The following OR2H1 variants were observed in gnomAD, a reference collection of about 807,000 sequenced individuals.
OR2H1 encodes olfactory receptor 2H1.
For synonymous variants in OR2H1, 155 were observed against 155.2 expected (o/e 1.00, Z 0.01); for missense variants, 380 against 367.3 (o/e 1.03, Z -0.28).
At chr6:29,458,896 G>A (rs531970924) in intron 2 of OR2H1, among the ~76,000 whole-genome samples, 1 of 152,310 alleles carries the variant, frequency 6.6e-6, no homozygotes, top group East Asian at 1.9e-4. Context: ...GTAGCAGTTA[G>A]TACATGACTG....
At chr6:29,459,841 A>C (rs1276454187) in intron 2 of OR2H1, 2 of 152,268 alleles carry the variant, frequency 1.3e-5, no homozygotes, top group Non-Finnish European at 2.9e-5. Flanking sequence ...TCCGTGGCCC[A>C]CCCACCCAGA....
rs569311039 is a variant in OR2H1 at position 29,462,504 on chromosome 6, G to A, written c.735G>A (p.Val245=). 4.7e-5 allele frequency: 76 copies of A among 1,613,018 alleles called. No homozygotes were observed. The highest frequency in any genetic ancestry group is 6.2e-5 in the Non-Finnish European group (73 of 1,180,014). ...GGACCTGCTCCTCCCATCTCACTGT[G>A]GTCACCCTCTTCTACAGCTCAGTCA... ...AFGTCSSHLT[V]VTLFYSSVIA... is the part of the protein sequence containing the mutation. Residue 245 remains valine, a synonymous_variant, in exon 4 of 4, where the codon GTG becomes GTA. Transcript: ENST00000377133.
intron 1 of OR2H1, among the ~76,000 whole-genome samples, 176 bp downstream of exon 1, chr6:29,457,383 A>G (rs1490986761): frequency 6.6e-6 from 1 of 152,246 alleles, no homozygotes; most frequent in East Asian, 1.9e-4. Flanking sequence ...GACTATTGAT[A>G]CACAAAACAA....
intron 2 of OR2H1, among the ~76,000 whole-genome samples, chr6:29,458,962 G>C (rs527640083): frequency 1.3e-5 from 2 of 152,322 alleles, no homozygotes; most frequent in Non-Finnish European, 2.9e-5. Context: ...GAGTTAATGG[G>C]ATGTAGGGAA....
At chr6:29,458,852 T>C (rs145004146) in intron 2 of OR2H1, among the ~76,000 whole-genome samples, 2 of 152,342 alleles carry the variant, frequency 1.3e-5, no homozygotes, top group East Asian at 1.9e-4. Flanking sequence ...GTTATTATTA[T>C]TGAACTGTAG....
At chr6:29,460,585 A>T (rs1225788395) in intron 3 of OR2H1, 131 bp downstream of exon 3, 1 of 152,054 alleles carries the variant, frequency 6.6e-6, no homozygotes, top group African/African-American at 2.4e-5. Flanking sequence ...CTAAAAAAAA[A>T]TTCTATCTTA....
intron 2 of OR2H1, chr6:29,459,695 T>C (rs377243428): frequency 4.7e-4 from 71 of 152,410 alleles, no homozygotes; most frequent in African/African-American, 1.7e-3. Context: ...CCATTGTCTG[T>C]GCTCAGAAAA....
intron 3 of OR2H1, 160 bp from the exon 4 acceptor site, chr6:29,461,335 T>C (rs1462273311): frequency 5.9e-6 from 1 of 170,276 alleles, no homozygotes; most frequent in African/African-American, 2.4e-5. Context: ...GGCAATTCTA[T>C]CAAATGATTC....
intron 1 of OR2H1, among the ~76,000 whole-genome samples, chr6:29,458,163 C>A (rs879255896): frequency 2.0e-5 from 3 of 152,186 alleles, no homozygotes; most frequent in Non-Finnish European, 4.4e-5. Flanking sequence ...TCTGGCAGAG[C>A]AATGGTGGAA....
At position 29,462,748 on chromosome 6, in the gene OR2H1, T is replaced by G. The variant is rs764400437; in HGVS notation, c.*28T>G. ...TACTTTCGAAAGTAAGAAGAGTTTC[T>G]TCAAGATTTATGAACATGTTAAGTT... On this transcript the variant is annotated 3_prime_UTR_variant, in exon 4 of 4. Transcript: ENST00000377133. The G allele has an allele frequency of 2.0e-5, 31 of 1,549,370 alleles. No individual in the cohort carries two copies. Among genetic ancestry groups the G allele is most frequent in the Non-Finnish European group, 2.6e-5 (30 of 1,133,028 alleles).
rs1787484118 is a variant in OR2H1, at chr6:29,462,797, A to G, written c.*77A>G. On this transcript the variant is annotated 3_prime_UTR_variant, in exon 4 of 4. Transcript: ENST00000377133. ...TTTTCCAGACTACTACCCTTCCCAC[A>G]TACACCTGAGCCACTGTGGTGGGTC... The G allele has an allele frequency of 2.9e-6, 3 of 1,051,688 alleles. No homozygotes were observed. The highest frequency in any genetic ancestry group is 4.2e-6 in the Non-Finnish European group (3 of 718,768). The allele number at this position is 1,051,688 out of a possible 1,614,324, so 65.1% of individuals were successfully genotyped here. A position where few individuals can be genotyped will look rare whatever the true frequency, so the allele number is the denominator to read the frequency against.
intron 2 of OR2H1, among the ~76,000 whole-genome samples, 168 bp downstream of exon 2, chr6:29,458,737 A>G (rs1786820465): frequency 6.6e-6 from 1 of 152,168 alleles, no homozygotes; most frequent in Non-Finnish European, 1.5e-5. Flanking sequence ...AGAGATATTA[A>G]CTGTCTAGCA....
At chr6:29,461,216 C>G (rs1787207343) in intron 3 of OR2H1, 1 of 152,914 alleles carries the variant, frequency 6.5e-6, no homozygotes, top group South Asian at 2.1e-4. Context: ...CTACACTCTG[C>G]CTCTGATTGA....
intron 2 of OR2H1, chr6:29,460,129 G>A (rs1787052262): frequency 6.6e-6 from 1 of 152,108 alleles, no homozygotes. Context: ...GATCTTCCAT[G>A]GGAAAACACG....
rs1787599933 is a variant in OR2H1, at chr6:29,463,710, T to C, written c.*990T>C. The C allele has an allele frequency of 6.0e-6, 1 of 167,056 alleles. No individual in the cohort carries two copies. Among genetic ancestry groups the C allele is most frequent in the Non-Finnish European group, 1.5e-5 (1 of 68,102 alleles). The allele number at this position is 167,056 out of a possible 1,614,324, so 10.3% of individuals were successfully genotyped here. A position where few individuals can be genotyped will look rare whatever the true frequency, so the allele number is the denominator to read the frequency against. ...GCTACTATCACAAGCTACACATAAATTGGGTGGTTTATAAATAACAAACAT... is the reference window on the plus strand; with the variant it reads ...GCTACTATCACAAGCTACACATAAACTGGGTGGTTTATAAATAACAAACAT... On this transcript the variant is annotated 3_prime_UTR_variant, in exon 4 of 4. Coordinates refer to ENST00000377133, the MANE Select transcript of OR2H1 (RefSeq NM_030883.5).
rs977132598 is a variant in OR2H1 at position 29,462,599 on chromosome 6, C to T, written c.830C>T (p.Ala277Val). The change falls in exon 4 of 4, where the codon GCA becomes GTA. Residue 277 changes from alanine to valine, a missense_variant. Transcript: ENST00000377133. Reference protein sequence around the residue: ...GRGKFFGLFYAVGTPSLNPLV... With the variant: ...GRGKFFGLFYVVGTPSLNPLV... ...GGCAAGTTCTTTGGTCTCTTCTATG[C>T]AGTGGGCACTCCTTCACTTAACCCT... 12 of 1,612,920 alleles carry T rather than the reference C, an allele frequency of 7.4e-6. No individual in the cohort carries two copies. The highest frequency in any genetic ancestry group is 1.3e-5 in the African/African-American group (1 of 74,922).
chr6:29,461,453 A>C, intron 3 of OR2H1, 42 bp from the exon 4 acceptor site: 1 of 380,544 alleles, frequency 2.6e-6, no homozygotes, highest in Non-Finnish European at 4.7e-6. Flanking sequence ...AGATCGGTTA[A>C]TTAATCCATG....
At chr6:29,458,054 T>A (rs1786669472) in intron 1 of OR2H1, among the ~76,000 whole-genome samples, 1 of 152,218 alleles carries the variant, frequency 6.6e-6, no homozygotes, top group African/African-American at 2.4e-5. Context: ...CCTTTTTTTC[T>A]GCCTTTAATG....
rs1386713950 is a variant in OR2H1 at position 29,462,212 on chromosome 6, T to G, written c.443T>G (p.Val148Gly). Residue 148 changes from valine to glycine, a missense_variant, in exon 4 of 4, where the codon GTT becomes GGT. Val to Gly is a moderately radical substitution (Grantham distance 109). Transcript: ENST00000377133. ...LCWQLASVAWVMSLVQSIVQT... is the reference protein window; with the variant it reads ...LCWQLASVAWGMSLVQSIVQT... The stretch of plus-strand genomic sequence containing the variant: ...TGGCAGCTGGCATCTGTGGCCTGGG[T>G]TATGAGTCTGGTTCAATCGATAGTC... The G allele has an allele frequency of 4.3e-6, 7 of 1,613,334 alleles. No individual in the cohort carries two copies. Among genetic ancestry groups the G allele is most frequent in the Non-Finnish European group, 5.9e-6 (7 of 1,180,014 alleles).
Sources: allele counts gnomAD v4.1 joint callset (sites outside exome capture counted in the v4.1 genomes callset), GRCh38; gene constraint gnomAD v4.1.1; transcripts MANE v1.5; gene names NCBI Gene and HGNC (gene_info 2026-07-23, HGNC 2026-07-21).